Variants in RHBDF2 observed in about 807,000 individuals in gnomAD.
RHBDF2 encodes the protein rhomboid 5 homolog 2.
In RHBDF2, 38 loss-of-function variants were observed where a neutral mutation model predicts 95.2. The ratio of observed to expected loss-of-function variants is 0.40; its 90% confidence interval spans 0.31 to 0.52. The LOEUF is 0.52. RHBDF2 is among the 20% of genes least tolerant of loss of function. RHBDF2 has a pLI of 0.56. For synonymous variants in RHBDF2, 442 were observed against 462.0 expected (o/e 0.96, Z 0.55); for missense variants, 863 against 1,137.7 (o/e 0.76, Z 3.47).
chr17:76,480,170 C>G (rs1354081450), intron 3 of RHBDF2, among the ~76,000 whole-genome samples: 1 of 146,386 alleles, frequency 6.8e-6, no homozygotes, highest in African/African-American at 2.5e-5. Flanking sequence ...GACACCTCCG[C>G]CTCCCAGGTT....
Position 76,493,947 on chromosome 17 carries a change from A to G in RHBDF2, c.-219-6038T>C, listed in dbSNP as rs144729446. Among the ~76,000 whole-genome samples the G allele has an allele frequency of 3.3e-3, 508 of 152,324 alleles. 2 individuals carry two copies. Among genetic ancestry groups the G allele is most frequent in the African/African-American group, 0.011 (470 of 41,582 alleles). ...CCCCAGGGGCAGCTTCAGGGGACTG[A>G]CCATCCCCTGACTTCTCTGGGCTTT... On this transcript the variant is annotated intron_variant, in intron 1 of 18. Transcript: ENST00000675367.
chr17:76,491,653 T>C (rs4788926), intron 1 of RHBDF2, among the ~76,000 whole-genome samples: 98,048 of 152,114 alleles, frequency 0.64, 32,078 homozygotes, highest in East Asian at 0.85. Context: ...TTGACACCCA[T>C]GAAGCCTAAA....
At chr17:76,474,250 TG>T in intron 12 of RHBDF2, 108 bp from the exon 13 acceptor site, 1 of 1,342,230 alleles carries the variant, frequency 7.5e-7, no homozygotes, top group Non-Finnish European at 1.0e-6. Flanking sequence ...GTCTCATCTA[TG>T]GGGGTCTGGG....
chr17:76,486,172 G>A (rs1171885342), intron 2 of RHBDF2, among the ~76,000 whole-genome samples: 3 of 151,992 alleles, frequency 2.0e-5, no homozygotes, highest in Non-Finnish European at 4.4e-5. Context: ...GCAGTGGTGC[G>A]ATTTTGGCTC....
intron 15 of RHBDF2, 95 bp from the exon 16 acceptor site, chr17:76,473,422 G>A (rs771340561): frequency 4.9e-4 from 591 of 1,207,076 alleles, no homozygotes; most frequent in Non-Finnish European, 6.4e-4. Flanking sequence ...AGGAGGCATC[G>A]CTGGCAGGAA....
chr17:76,472,524 T>C (rs1197746716), intron 18 of RHBDF2, 162 bp downstream of exon 18: 4 of 868,786 alleles, frequency 4.6e-6, no homozygotes, highest in Non-Finnish European at 7.5e-6. Flanking sequence ...CTCACTGGGA[T>C]TAAGAGACCA....
At position 76,471,621 on chromosome 17, in the gene RHBDF2, G is replaced by A. The variant is rs1242667833; in HGVS notation, c.*12C>T. ...TCCAGCAGGGCTGAGGGGCAGCCGTGTGGCCCAGCGGTCAGTGCAGCACCT... is the reference window on the plus strand; with the variant it reads ...TCCAGCAGGGCTGAGGGGCAGCCGTATGGCCCAGCGGTCAGTGCAGCACCT... On this transcript the variant is annotated 3_prime_UTR_variant, in exon 19 of 19. Coordinates refer to ENST00000675367, the MANE Select transcript of RHBDF2 (RefSeq NM_001005498.4). 7.0e-6 allele frequency: 11 copies of A among 1,572,544 alleles called. No individual in the cohort carries two copies. Among genetic ancestry groups the A allele is most frequent in the Non-Finnish European group, 9.5e-6 (11 of 1,157,214 alleles).
intron 1 of RHBDF2, among the ~76,000 whole-genome samples, chr17:76,493,569 G>A (rs2074360279): frequency 6.6e-6 from 1 of 152,162 alleles, no homozygotes; most frequent in Non-Finnish European, 1.5e-5. Context: ...CATGAGCTGC[G>A]GCGTGAGCTC....
chr17:76,492,073 C>T (rs1242863348), intron 1 of RHBDF2, among the ~76,000 whole-genome samples: 1 of 152,248 alleles, frequency 6.6e-6, no homozygotes, highest in Non-Finnish European at 1.5e-5. Context: ...CAGATCCTGG[C>T]CTCACTGTGG....
rs1461428692 is a variant in RHBDF2, at chr17:76,481,418, T to C, written c.107A>G (p.Lys36Arg). 1.2e-6 allele frequency: 2 copies of C among 1,612,840 alleles called. No homozygotes were observed. Among genetic ancestry groups the C allele is most frequent in the Non-Finnish European group, 8.5e-7 (1 of 1,179,984 alleles). Residue 36 changes from lysine (K) to arginine (R), a missense_variant, in exon 3 of 19, where the codon AAA becomes AGA. Lys to Arg is a conservative substitution (Grantham distance 26). Coordinates refer to ENST00000675367, the MANE Select transcript of RHBDF2 (RefSeq NM_001005498.4). ...CTGCTCGCCAGGGGCCTGGGTCTCT[T>C]TCTCGGGTGGCGGGATGGTGATGGA... ...NLSITIPPPE[K>R]ETQAPGEQDS...
chr17:76,481,023 G>T (rs1598673176), intron 3 of RHBDF2, among the ~76,000 whole-genome samples: 1 of 152,152 alleles, frequency 6.6e-6, no homozygotes, highest in East Asian at 1.9e-4. Flanking sequence ...ACTGTCCCCT[G>T]CTCACCCATG....
chr17:76,476,862 C>T lies in RHBDF2; in HGVS notation c.1083G>A (p.Val361=). The part of the protein sequence containing the change: ...RSYRRSISST[V]QRQLESFDSH... ...TGTCGAAGCTCTCCAGCTGCCGCTG[C>T]ACAGTGCTGCTGATGCTGCGGCGGT... Residue 361 remains valine, a synonymous_variant, in exon 9 of 19, where the codon GTG becomes GTA. Transcript: ENST00000675367. 1 of 1,611,746 alleles carries T rather than the reference C, an allele frequency of 6.2e-7. No homozygotes were observed. Among genetic ancestry groups the T allele is most frequent in the Non-Finnish European group, 8.5e-7 (1 of 1,179,476 alleles).
intron 11 of RHBDF2, 22 bp downstream of exon 11, chr17:76,474,708 G>A: frequency 6.2e-7 from 1 of 1,614,160 alleles, no homozygotes; most frequent in Non-Finnish European, 8.5e-7. Context: ...CTCAGATGAT[G>A]TCCCCCAGCC....
chr17:76,491,638 C>T (rs2074303696), intron 1 of RHBDF2, among the ~76,000 whole-genome samples: 1 of 152,232 alleles, frequency 6.6e-6, no homozygotes, highest in Non-Finnish European at 1.5e-5. Context: ...GGTCACGGCC[C>T]AGCTTTGACA....
chr17:76,475,207 G>A, intron 9 of RHBDF2, 66 bp from the exon 10 acceptor site: 1 of 1,182,950 alleles, frequency 8.5e-7, no homozygotes, highest in Admixed American at 2.0e-5. Context: ...CCGGCCACAG[G>A]GCCACCCTGG....
At chr17:76,486,581 G>C (rs1424966492) in intron 2 of RHBDF2, among the ~76,000 whole-genome samples, 1 of 152,070 alleles carries the variant, frequency 6.6e-6, no homozygotes, top group Non-Finnish European at 1.5e-5. Flanking sequence ...AGATATGGTG[G>C]TGCGTGCATA....
At chr17:76,478,625 C>T (rs997826507) in intron 6 of RHBDF2, among the ~76,000 whole-genome samples, 181 bp downstream of exon 6, 1 of 152,212 alleles carries the variant, frequency 6.6e-6, no homozygotes, top group Non-Finnish European at 1.5e-5. Context: ...GAAGGATGGA[C>T]GCCTGGGTGC....
In RHBDF2 at chr17:76,482,641, C is replaced by T. The variant is rs761733044; in HGVS notation, c.-21-1096G>A. On this transcript the variant is annotated intron_variant, in intron 2 of 18. Transcript: ENST00000675367. ...ATACAAAATTAGCCAGGTGTGGTGGCGCATGCCTATAATCCCAGCTACTTG... is the reference window on the plus strand; with the variant it reads ...ATACAAAATTAGCCAGGTGTGGTGGTGCATGCCTATAATCCCAGCTACTTG... Among the ~76,000 whole-genome samples the T allele has an allele frequency of 1.2e-4, 19 of 152,036 alleles. 1 individual carries two copies. The highest frequency in any genetic ancestry group is 1.7e-4 in the African/African-American group (7 of 41,410).
chr17:76,484,547 ACTCT>A (rs1299075267), intron 2 of RHBDF2, among the ~76,000 whole-genome samples: 1 of 149,322 alleles, frequency 6.7e-6, no homozygotes, highest in Non-Finnish European at 1.5e-5. Flanking sequence ...GGCTCACTCC[ACTCT>A]CTCAATTCCT....
Sources: allele counts gnomAD v4.1 joint callset (sites outside exome capture counted in the v4.1 genomes callset), GRCh38; gene constraint gnomAD v4.1.1; transcripts MANE v1.5; gene names NCBI Gene and HGNC (gene_info 2026-07-23, HGNC 2026-07-21).